IMMP2L: variants seen among roughly 807,000 people sequenced by gnomAD.
IMMP2L encodes mitochondrial inner membrane protease subunit 2.
A neutral mutation model predicts 19.3 loss-of-function variants in IMMP2L; 18 were observed. The ratio of observed to expected loss-of-function variants is 0.93; its 90% CI spans 0.64 to 1.38. The LOEUF is 1.38. Among genes scored for constraint, IMMP2L ranks in the 40% most tolerant of loss-of-function variants. The probability of loss-of-function intolerance (pLI) is 0.00; values close to 1 mark genes in which losing one functional copy is unlikely to be tolerated. For synonymous variants in IMMP2L, 76 were observed against 73.0 expected, an observed-to-expected ratio of 1.04 and a Z score of -0.21; for missense variants, 233 against 218.2, an observed-to-expected ratio of 1.07 and a Z score of -0.43.
intron 5 of IMMP2L, among the ~76,000 whole-genome samples, chr7:110,823,886 C>T (rs995661346): frequency 1.3e-5 from 2 of 152,002 alleles, no homozygotes; most frequent in African/African-American, 2.4e-5. Context: ...CAAAGAACAT[C>T]GGAATTTAAA....
At position 110,849,953 on chromosome 7, in the gene IMMP2L, G is replaced by A. The variant is rs1445373286; in HGVS notation, c.408+36640C>T. ...AAAATATGTTTCAAGTGGTCTTAGA[G>A]AATGTTCATAATATAATATTTAGAA... On this transcript the variant is annotated intron_variant, in intron 5 of 5. Transcript: ENST00000405709. 3.3e-5 allele frequency among the ~76,000 whole-genome samples: 5 copies of A among 152,120 alleles called. No homozygotes were observed. The East Asian group carries it at 7.7e-4, about 24-fold the overall frequency.
At chr7:111,084,631 G>A (rs2129576870) in intron 3 of IMMP2L, among the ~76,000 whole-genome samples, 1 of 152,284 alleles carries the variant, frequency 6.6e-6, no homozygotes, top group South Asian at 2.1e-4. Context: ...AAATACTTAA[G>A]AGGTAGATGA....
intron 5 of IMMP2L, among the ~76,000 whole-genome samples, chr7:110,743,559 G>A (rs12705733): frequency 0.25 from 38,369 of 152,118 alleles, 5,130 homozygotes; most frequent in Middle Eastern, 0.32. Context: ...CAGAAGGCAG[G>A]TGATTTCTGC....
chr7:111,289,618 T>C (rs1484687350), intron 3 of IMMP2L, among the ~76,000 whole-genome samples: 3 of 152,044 alleles, frequency 2.0e-5, no homozygotes, highest in Admixed American at 1.3e-4. Flanking sequence ...AAAGGCCAAT[T>C]CTGAAAATTT....
intron 5 of IMMP2L, among the ~76,000 whole-genome samples, chr7:110,675,416 C>G (rs151142046): frequency 6.6e-6 from 1 of 152,216 alleles, no homozygotes; most frequent in African/African-American, 2.4e-5. Flanking sequence ...CCAAATGCAA[C>G]CGTATTTCAT....
rs138528199 is a variant in IMMP2L at position 110,662,944 on chromosome 7, C to G, written c.*658G>C. 6.6e-6 allele frequency: 1 copy of G among 152,224 alleles called. No homozygotes were observed. The highest frequency in any genetic ancestry group is 2.1e-4 in the South Asian group (1 of 4,824). 9.4% of individuals were successfully genotyped at this position (152,224 alleles called of 1,614,324 possible). The stretch of plus-strand genomic sequence containing the variant: ...GAAAGGCTTGACTGTATGCAAGTGT[C>G]GACAGAATGGGTTCTCCATTACTTT... On this transcript the variant is annotated 3_prime_UTR_variant, in exon 6 of 6. Transcript: ENST00000405709.
intron 3 of IMMP2L, among the ~76,000 whole-genome samples, chr7:111,108,437 A>C (rs214883): frequency 0.93 from 141,290 of 152,112 alleles, 65,748 homozygotes; most frequent in Non-Finnish European, 0.96. Flanking sequence ...ATCTGTATAT[A>C]TTATACCCCC....
intron 3 of IMMP2L, among the ~76,000 whole-genome samples, chr7:111,270,049 ATGTGTGTCTGTGTG>A (rs900421981): frequency 3.8e-5 from 5 of 132,882 alleles, no homozygotes; most frequent in African/African-American, 1.2e-4. Flanking sequence ...GTGTGCATGC[ATGTGTGTCTGTGTG>A]TGTGTGTGTG....
intron 5 of IMMP2L, among the ~76,000 whole-genome samples, chr7:110,857,613 G>A (rs929694261): frequency 3.9e-4 from 60 of 152,140 alleles, no homozygotes; most frequent in African/African-American, 1.4e-3. Flanking sequence ...CAGGAATAGA[G>A]CTCAACAATC....
At chr7:111,103,802 T>C (rs1563245836) in intron 3 of IMMP2L, among the ~76,000 whole-genome samples, 1 of 151,634 alleles carries the variant, frequency 6.6e-6, no homozygotes, top group African/African-American at 2.4e-5. Flanking sequence ...TCCTTTCAAG[T>C]AGGTACCATT....
chr7:111,358,757 T>C (rs28494046), intron 3 of IMMP2L, among the ~76,000 whole-genome samples: 3,791 of 152,236 alleles, frequency 0.025, 177 homozygotes, highest in African/African-American at 0.086. Context: ...GTTGATCTTA[T>C]GCTGTTATAG....
chr7:110,879,824 AC>A (rs1563048644), intron 5 of IMMP2L, among the ~76,000 whole-genome samples: 1 of 152,090 alleles, frequency 6.6e-6, no homozygotes, highest in Non-Finnish European at 1.5e-5. Flanking sequence ...ACTGGTAATG[AC>A]CTTTAGCATA....
intron 5 of IMMP2L, among the ~76,000 whole-genome samples, chr7:110,871,374 C>T (rs1228092305): frequency 6.6e-6 from 1 of 152,016 alleles, no homozygotes; most frequent in African/African-American, 2.4e-5. Context: ...CAGGATCAAG[C>T]TCAGGGGCAT....
At chr7:111,472,518 T>G (rs1314278570) in intron 3 of IMMP2L, among the ~76,000 whole-genome samples, 1 of 152,178 alleles carries the variant, frequency 6.6e-6, no homozygotes, top group African/African-American at 2.4e-5. Context: ...TCAACCATTA[T>G]GTTGTAGGTA....
intron 3 of IMMP2L, among the ~76,000 whole-genome samples, chr7:111,396,851 G>A (rs185949169): frequency 0.011 from 1,594 of 151,176 alleles, 32 homozygotes; most frequent in African/African-American, 0.035. Flanking sequence ...TTGGGAGGCC[G>A]AGGAGGGCGG....
rs1315581939 is a variant in IMMP2L at position 110,663,468 on chromosome 7, C to A, written c.*134G>T. On this transcript the variant is annotated 3_prime_UTR_variant, in exon 6 of 6. Transcript: ENST00000405709. ...AAATTATTTATTTAATAATACAGATCGTTTTAATGTGCTGTAAATATTTCT... is the reference window on the plus strand; with the variant it reads ...AAATTATTTATTTAATAATACAGATAGTTTTAATGTGCTGTAAATATTTCT... The A allele has an allele frequency of 1.5e-6, 1 of 689,092 alleles. No homozygotes were observed. The highest frequency in any genetic ancestry group is 1.8e-5 in the South Asian group (1 of 56,012). The allele number at this position is 689,092 out of a possible 1,614,324, so 42.7% of individuals were successfully genotyped here.
intron 3 of IMMP2L, chr7:111,411,483 G>A: frequency 2.1e-6 from 1 of 473,416 alleles, no homozygotes; most frequent in Non-Finnish European, 4.2e-6. Context: ...GGCAAGCACG[G>A]CATGGGCTGT....
chr7:111,330,869 A>G (rs1825807513), intron 3 of IMMP2L, among the ~76,000 whole-genome samples: 1 of 151,962 alleles, frequency 6.6e-6, no homozygotes, highest in South Asian at 2.1e-4. Context: ...ATTAAAGACC[A>G]CAATGAGATA....
chr7:110,771,056 G>A (rs959061251), intron 5 of IMMP2L, among the ~76,000 whole-genome samples: 4 of 152,082 alleles, frequency 2.6e-5, no homozygotes, highest in African/African-American at 9.7e-5. Flanking sequence ...CAGGAAAAGG[G>A]GGAAGACAAT....
Sources: gnomAD v4.1 joint callset for allele counts (sites outside exome capture counted in the v4.1 genomes callset) on GRCh38, gnomAD v4.1.1 for gene constraint, MANE v1.5 for transcripts, NCBI Gene and HGNC (gene_info 2026-07-23, HGNC 2026-07-21) for gene names.